The following SH3TC2 variants were observed in gnomAD, a reference collection of about 807,000 sequenced individuals.
SH3TC2 encodes the protein SH3 domain and tetratricopeptide repeats 2.
In SH3TC2, 87 loss-of-function variants were observed where a neutral mutation model predicts 124.5. That is an observed-to-expected ratio of 0.70 (90% CI 0.59 to 0.84). SH3TC2 has a LOEUF of 0.84. Among genes scored for constraint, SH3TC2 ranks in the 40% least tolerant of loss-of-function variants. SH3TC2 has a pLI of 0.00. For missense variants in SH3TC2, 1,536 were observed against 1,566.4 expected, an observed-to-expected ratio of 0.98 and a Z score of 0.33; for synonymous variants, 634 against 628.5, an observed-to-expected ratio of 1.01 and a Z score of -0.13.
Position 149,054,445 on chromosome 5 carries a change from G to A in SH3TC2, c.53-2205C>T, listed in dbSNP as rs73795766. 2.0e-3 allele frequency among the ~76,000 whole-genome samples: 310 copies of A among 152,238 alleles called. 1 individual carries two copies. The highest frequency in any genetic ancestry group is 7.2e-3 in the African/African-American group (299 of 41,542). Reference sequence around the variant, plus strand: ...AAAGCTGAGGTTCTGCATTTCTGATGTTTTCACAGGTGATGCTCCTCCTGC... The same window carrying A: ...AAAGCTGAGGTTCTGCATTTCTGATATTTTCACAGGTGATGCTCCTCCTGC... On this transcript the variant is annotated intron_variant, in intron 1 of 16. Transcript: ENST00000515425.
chr5:149,004,777 G>A lies in SH3TC2; in HGVS notation c.3801C>T (p.His1267=). 1 of 1,614,100 alleles carries A rather than the reference G, an allele frequency of 6.2e-7. No individual in the cohort carries two copies. Residue 1267 remains histidine, a synonymous_variant, in exon 17 of 17, where the codon CAC becomes CAT. Coordinates refer to ENST00000515425, the MANE Select transcript of SH3TC2 (RefSeq NM_024577.4). ...LDNICQSPLW[H]SRPSGCSSER... ...CTGAGGAGCACCCGGAGGGCCTGCTGTGCCACAGGGGGCTCTGGCAGATGT... is the reference window on the plus strand; with the variant it reads ...CTGAGGAGCACCCGGAGGGCCTGCTATGCCACAGGGGGCTCTGGCAGATGT...
intron 16 of SH3TC2, 65 bp downstream of exon 16, chr5:149,006,816 T>G (rs1406074820): frequency 6.6e-7 from 1 of 1,525,614 alleles, no homozygotes; most frequent in Non-Finnish European, 9.1e-7. Flanking sequence ...CCTCATTGTC[T>G]TTGAGTCAGG....
chr5:149,015,210 T>G (rs1055326055), intron 12 of SH3TC2, among the ~76,000 whole-genome samples: 3 of 152,156 alleles, frequency 2.0e-5, no homozygotes, highest in African/African-American at 4.8e-5. Context: ...AATGGAAGAT[T>G]TTCCAAAGAC....
intron 7 of SH3TC2, among the ~76,000 whole-genome samples, chr5:149,040,306 A>G (rs1174149359): frequency 1.3e-5 from 2 of 152,144 alleles, no homozygotes; most frequent in African/African-American, 4.8e-5. Context: ...TTTTTCACTC[A>G]TATATCTTAA....
chr5:149,051,003 C>T (rs1452726718), intron 2 of SH3TC2, among the ~76,000 whole-genome samples: 1 of 152,092 alleles, frequency 6.6e-6, no homozygotes, highest in Non-Finnish European at 1.5e-5. Flanking sequence ...TTCCACCTAG[C>T]GATGGGCAAG....
Position 149,062,345 on chromosome 5 carries a change from C to G in SH3TC2, c.52+626G>C, listed in dbSNP as rs774701780. On this transcript the variant is annotated intron_variant, in intron 1 of 16. Coordinates refer to ENST00000515425, the MANE Select transcript of SH3TC2 (RefSeq NM_024577.4). ...CAGGGAGACCAACCAGCCTGGTTGG[C>G]CTGGAACTGACATATCCCAGCAAAT... 9.4e-6 allele frequency: 5 copies of G among 533,280 alleles called. No homozygotes were observed. In the Admixed American group the frequency reaches 9.7e-5, roughly 10 times the overall value. The allele number at this position is 533,280 out of a possible 1,614,324, so 33.0% of individuals were successfully genotyped here.
At position 149,031,679 on chromosome 5, in the gene SH3TC2, T is replaced by A. The variant is rs1475474600; in HGVS notation, c.1010A>T (p.Asn337Ile). Residue 337 changes from asparagine to isoleucine, a missense_variant, in exon 9 of 17, where the codon AAC becomes ATC. Around this residue, in one of 3 missense-constraint regions of SH3TC2, gnomAD observed 1,102 missense variants for 1,098.6 expected, o/e 1.00. Coordinates refer to ENST00000515425, the MANE Select transcript of SH3TC2 (RefSeq NM_024577.4). ...DPDSYSPMSR[N>I]SAFLSDEERC... Reference sequence around the variant, plus strand: ...CTCCTCATCACTGAGAAAGGCAGAGTTCCTGCTCCTGCATCGGGGCAAAAA... The same window carrying A: ...CTCCTCATCACTGAGAAAGGCAGAGATCCTGCTCCTGCATCGGGGCAAAAA... 2 of 1,613,960 alleles carry A rather than the reference T, an allele frequency of 1.2e-6. No individual in the cohort carries two copies. Among genetic ancestry groups the A allele is most frequent in the Middle Eastern group, 1.7e-4 (1 of 6,036 alleles).
chr5:149,007,811 C>T (rs184447932), intron 15 of SH3TC2: 1 of 152,280 alleles, frequency 6.6e-6, no homozygotes, highest in Non-Finnish European at 1.5e-5. Flanking sequence ...AAAAACATCA[C>T]TTTTAAGCTT....
chr5:149,008,892 A>G lies in SH3TC2; in HGVS notation c.3437T>C (p.Leu1146Ser). ...QISLEGYEKA[L>S]EFATLAARLS... is the part of the protein sequence containing the mutation. Reference sequence around the variant, plus strand: ...CCTGGCGGCCAGGGTGGCAAATTCCAAAGCCTTCTCATAGCCTTCGAGGCT... The same window carrying G: ...CCTGGCGGCCAGGGTGGCAAATTCCGAAGCCTTCTCATAGCCTTCGAGGCT... Residue 1146 changes from leucine (L) to serine (S), a missense_variant, in exon 15 of 17, where the codon TTG (leucine) becomes TCG (serine). By Grantham distance (145) the Leu-to-Ser change is moderately radical (BLOSUM62 -2). Coordinates refer to ENST00000515425, the MANE Select transcript of SH3TC2 (RefSeq NM_024577.4). 3 of 1,614,200 alleles carry G rather than the reference A, an allele frequency of 1.9e-6. No homozygotes were observed. The highest frequency in any genetic ancestry group is 2.5e-6 in the Non-Finnish European group (3 of 1,180,038).
Position 148,986,668 on chromosome 5 carries a change from T to C in SH3TC2, c.*18043A>G, listed in dbSNP as rs1410936881. Among the ~76,000 whole-genome samples, 1 of 152,182 alleles carries C rather than the reference T, an allele frequency of 6.6e-6. No individual in the cohort carries two copies. Among genetic ancestry groups the C allele is most frequent in the Non-Finnish European group, 1.5e-5 (1 of 68,036 alleles). On this transcript the variant is annotated 3_prime_UTR_variant, in exon 17 of 17. Coordinates refer to ENST00000515425, the MANE Select transcript of SH3TC2 (RefSeq NM_024577.4). ...GGTTTGAGTACATGACAGATACCTT[T>C]TTTGACAAATTATTAAGCCACTTGT... is the stretch of plus-strand genomic sequence containing the variant.
intron 12 of SH3TC2, among the ~76,000 whole-genome samples, chr5:149,022,239 T>C (rs1485625303): frequency 6.6e-6 from 1 of 152,090 alleles, no homozygotes; most frequent in Non-Finnish European, 1.5e-5. Context: ...GACACGTGAA[T>C]AGACATTTCT....
chr5:149,040,032 C>T (rs957253961), intron 7 of SH3TC2, among the ~76,000 whole-genome samples: 1 of 152,076 alleles, frequency 6.6e-6, no homozygotes, highest in African/African-American at 2.4e-5. Flanking sequence ...ACTTCATTAT[C>T]CAGTAGATAT....
At chr5:149,031,796 C>T in intron 8 of SH3TC2, 109 bp from the exon 9 acceptor site, 7 of 1,426,206 alleles carry the variant, frequency 4.9e-6, no homozygotes, top group Non-Finnish European at 6.8e-6. Context: ...GTCATCAAAC[C>T]AACTTCCCGC....
intron 8 of SH3TC2, chr5:149,034,654 T>C (rs1184258447): frequency 1.8e-5 from 3 of 166,258 alleles, no homozygotes; most frequent in Non-Finnish European, 4.0e-5. Context: ...TTCAACTTTA[T>C]AGAATGAATG....
At position 149,028,694 on chromosome 5, in the gene SH3TC2, G is replaced by A. The variant is rs149973463; in HGVS notation, c.1160C>T (p.Pro387Leu). ...RLSGFESIQN[P>L]PNDLSASQPE... ...CTACTCACCACTCAGATCATTTGGA[G>A]GATTCTGGATGGATTCAAACCCACC... is the stretch of plus-strand genomic sequence containing the variant. The change falls in exon 10 of 17, where the codon CCT (proline) becomes CTT (leucine). Residue 387 changes from proline (P) to leucine (L), a missense_variant. Coordinates refer to ENST00000515425, the MANE Select transcript of SH3TC2 (RefSeq NM_024577.4). The A allele has an allele frequency of 1.4e-5, 22 of 1,614,210 alleles. No homozygotes were observed. In the East Asian group the frequency reaches 4.7e-4, roughly 34 times the overall value.
intron 1 of SH3TC2, among the ~76,000 whole-genome samples, chr5:149,052,487 A>C (rs1246653801): frequency 6.6e-6 from 1 of 152,186 alleles, no homozygotes; most frequent in Non-Finnish European, 1.5e-5. Context: ...CCCCATTCAC[A>C]TATCGAACTA....
At chr5:149,051,251 T>C (rs1754550930) in intron 2 of SH3TC2, among the ~76,000 whole-genome samples, 1 of 152,242 alleles carries the variant, frequency 6.6e-6, no homozygotes, top group Admixed American at 6.5e-5. Flanking sequence ...TTGTTTCACA[T>C]TAATTTCAAA....
chr5:149,007,085 T>C lies in SH3TC2; in HGVS notation c.3479-8A>G, dbSNP rs147800229. On this transcript the variant is annotated splice_polypyrimidine_tract_variant and splice_region_variant and intron_variant, in intron 15 of 16. Coordinates refer to ENST00000515425, the MANE Select transcript of SH3TC2 (RefSeq NM_024577.4). ...GCTCTTGCCTCTGATCTCCTAAGAA[T>C]TGGAAGACTGAGAGAGATATCCTGC... The C allele has an allele frequency of 4.1e-4, 662 of 1,613,900 alleles. 2 individuals are homozygous for C. In the African/African-American group the frequency reaches 7.7e-3, roughly 19 times the overall value.
rs1430447976 is a variant in SH3TC2 at position 149,010,372 on chromosome 5, C to T, written c.3225G>A (p.Leu1075=). The stretch of plus-strand genomic sequence containing the variant: ...GAGCCAGCAAAGGCTCCTCTGACTT[C>T]AGGGCTGTCTGGATGGCTGCCTAGG... The part of the protein sequence containing the change: ...LCLQAAIQTA[L]KSEEPLLALK... Residue 1075 remains leucine (L), a synonymous_variant, in exon 14 of 17, where the codon CTG becomes CTA. Coordinates refer to ENST00000515425, the MANE Select transcript of SH3TC2 (RefSeq NM_024577.4). 1 of 1,614,048 alleles carries T rather than the reference C, an allele frequency of 6.2e-7. No homozygotes were observed. The highest frequency in any genetic ancestry group is 2.2e-5 in the East Asian group (1 of 44,886).
Sources: allele counts gnomAD v4.1 joint callset (sites outside exome capture counted in the v4.1 genomes callset), GRCh38; gene constraint gnomAD v4.1.1; regional missense constraint gnomAD v4.1.1; transcripts MANE v1.5; gene names NCBI Gene and HGNC (gene_info 2026-07-23, HGNC 2026-07-21).